Variants in DNAH8 observed in about 807,000 individuals in gnomAD.
DNAH8 encodes the protein dynein axonemal heavy chain 8.
In DNAH8, 382 loss-of-function variants were observed where a neutral mutation model predicts 562.1. That is an observed-to-expected ratio of 0.68 (90% CI 0.63 to 0.74). The LOEUF is 0.74. Ranked by LOEUF, DNAH8 falls within the 30% of genes least tolerant of loss-of-function variation. The pLI, the probability that DNAH8 is intolerant of heterozygous loss-of-function variation, is 0.00. For synonymous variants in DNAH8, 1,881 were observed against 1,919.4 expected (o/e 0.98, Z 0.52); for missense variants, 5,203 against 5,620.4 (o/e 0.93, Z 2.37).
chr6:38,723,382 C>T lies in DNAH8; in HGVS notation c.436C>T (p.Pro146Ser), dbSNP rs753060938. The T allele has an allele frequency of 2.4e-5, 39 of 1,611,834 alleles. No homozygotes were observed. In the African/African-American group the frequency reaches 4.9e-4, roughly 20 times the overall value. The part of the protein sequence containing the change: ...ARESRRLKID[P>S]SYKYIFEILA... The stretch of plus-strand genomic sequence containing the variant: ...GGAAAGCCGAAGACTGAAAATTGAC[C>T]CTTCATACAAATATATATTTGAAAT... Residue 146 changes from proline to serine, a missense_variant, in exon 3 of 93, where the codon CCT (proline) becomes TCT (serine). Around this residue, in one of 6 missense-constraint regions of DNAH8, gnomAD observed 556 missense variants for 496.9 expected, o/e 1.12. Transcript: ENST00000327475.
At chr6:38,978,575 A>G (rs1763824902) in intron 85 of DNAH8, among the ~76,000 whole-genome samples, 1 of 152,156 alleles carries the variant, frequency 6.6e-6, no homozygotes, top group Non-Finnish European at 1.5e-5. Flanking sequence ...TTACCTAGTA[A>G]AGTTTCCCTT....
rs1178177073 is a variant in DNAH8, at chr6:39,030,135, G to A, written c.13867G>A (p.Asp4623Asn). The A allele has an allele frequency of 6.8e-6, 11 of 1,613,846 alleles. No homozygotes were observed. The highest frequency in any genetic ancestry group is 1.3e-5 in the African/African-American group (1 of 74,860). The stretch of plus-strand genomic sequence containing the variant: ...TGTGTATATTTATGGGCTCTACATG[G>A]ATGGAGCAGCCTGGGACAGACGGAA... ...EGVYIYGLYM[D>N]GAAWDRRNGK... Residue 4623 changes from aspartate (D) to asparagine (N), a missense_variant, in exon 93 of 93, where the codon GAT becomes AAT. This residue lies in a region of DNAH8 where 1,399 missense variants were observed against 1,518.4 expected (regional missense o/e 0.92). Coordinates refer to ENST00000327475, the MANE Select transcript of DNAH8 (RefSeq NM_001206927.2).
chr6:38,790,804 C>G (rs1769665742), intron 20 of DNAH8, among the ~76,000 whole-genome samples: 2 of 149,524 alleles, frequency 1.3e-5, no homozygotes, highest in South Asian at 4.2e-4. Flanking sequence ...ACCTGGGCGA[C>G]AGGGCAAGAC....
At chr6:38,811,732 C>T (rs373518590) in intron 24 of DNAH8, among the ~76,000 whole-genome samples, 12 of 152,106 alleles carry the variant, frequency 7.9e-5, no homozygotes, top group Non-Finnish European at 1.2e-4. Flanking sequence ...GACATATTCA[C>T]GCATACTTGG....
chr6:38,914,503 C>T lies in DNAH8; in HGVS notation c.9963+551C>T, dbSNP rs150464980. Reference sequence around the variant, plus strand: ...GCAACCTCCACCTCCTGGGTTCAAGCGATTCTCCTGCCTAATTTTTGTATT... The same window carrying T: ...GCAACCTCCACCTCCTGGGTTCAAGTGATTCTCCTGCCTAATTTTTGTATT... On this transcript the variant is annotated intron_variant, in intron 67 of 92. Transcript: ENST00000327475. 1.7e-4 allele frequency among the ~76,000 whole-genome samples: 24 copies of T among 144,348 alleles called. No homozygotes were observed. In the East Asian group the frequency reaches 3.1e-3, roughly 19 times the overall value. The allele number at this position is 144,348 out of a possible 152,430, so 94.7% of individuals were successfully genotyped here.
At chr6:38,769,207 G>A (rs1400719960) in intron 11 of DNAH8, among the ~76,000 whole-genome samples, 1 of 152,138 alleles carries the variant, frequency 6.6e-6, no homozygotes, top group African/African-American at 2.4e-5. Context: ...GTTATTCAGA[G>A]CCAACTCATT....
intron 79 of DNAH8, among the ~76,000 whole-genome samples, chr6:38,942,630 G>T (rs1783553697): frequency 6.6e-6 from 1 of 152,194 alleles, no homozygotes; most frequent in Non-Finnish European, 1.5e-5. Context: ...TCAAGAAAGA[G>T]AACTTTGTAC....
At chr6:38,829,054 T>C (rs928011312) in intron 30 of DNAH8, among the ~76,000 whole-genome samples, 1 of 152,240 alleles carries the variant, frequency 6.6e-6, no homozygotes, top group African/African-American at 2.4e-5. Context: ...ATTGTCCATG[T>C]GCGAGGACTT....
chr6:38,880,342 T>C (rs1778377230), intron 53 of DNAH8, among the ~76,000 whole-genome samples: 2 of 152,110 alleles, frequency 1.3e-5, no homozygotes, highest in Non-Finnish European at 2.9e-5. Context: ...ACTGTAAAAC[T>C]GCGCTGAGAG....
chr6:38,798,187 G>A (rs575097307), intron 21 of DNAH8, among the ~76,000 whole-genome samples: 29 of 152,278 alleles, frequency 1.9e-4, no homozygotes, highest in African/African-American at 6.7e-4. Context: ...GATGCTTTCT[G>A]AGGTGATGAG....
At chr6:38,947,624 A>G (rs1761540803) in intron 80 of DNAH8, among the ~76,000 whole-genome samples, 1 of 152,182 alleles carries the variant, frequency 6.6e-6, no homozygotes, top group South Asian at 2.1e-4. Flanking sequence ...GGGCAGGGGC[A>G]AGGTAGGGCT....
chr6:38,895,032 G>A (rs999439743), intron 59 of DNAH8, among the ~76,000 whole-genome samples, 168 bp downstream of exon 59: 3 of 152,108 alleles, frequency 2.0e-5, no homozygotes, highest in Admixed American at 2.0e-4. Context: ...GGGTTCAAGT[G>A]ATTCTCCAAC....
At chr6:38,819,814 T>C (rs1354037054) in intron 26 of DNAH8, among the ~76,000 whole-genome samples, 1 of 152,156 alleles carries the variant, frequency 6.6e-6, no homozygotes, top group African/African-American at 2.4e-5. Flanking sequence ...ACCCCCAGTA[T>C]TTTTACATTT....
At position 38,842,695 on chromosome 6, in the gene DNAH8, G is replaced by A. The variant is rs769685364; in HGVS notation, c.4637G>A (p.Trp1546Ter). 6.2e-7 allele frequency: 1 copy of A among 1,613,368 alleles called. No homozygotes were observed. Among genetic ancestry groups the A allele is most frequent in the Non-Finnish European group, 8.5e-7 (1 of 1,179,792 alleles). Residue 1546 changes from tryptophan to a stop codon, truncating the protein, a stop_gained, in exon 35 of 93, where the codon TGG becomes TAG. Transcript: ENST00000327475. LOFTEE classifies it high-confidence loss of function. ...CRKLPKGLKD[W>*]QAFLDLKKRI... The stretch of plus-strand genomic sequence containing the variant: ...AAACTTCCAAAAGGACTTAAAGATT[G>A]GCAAGCTTTTTTGGATCTCAAAAAG...
intron 55 of DNAH8, 45 bp from the exon 56 acceptor site, chr6:38,883,831 G>T: frequency 6.9e-7 from 1 of 1,441,864 alleles, no homozygotes; most frequent in South Asian, 1.6e-5. Context: ...TTAGAAGTAT[G>T]GATTAAAATC....
rs377235708 is a variant in DNAH8 at position 38,775,795 on chromosome 6, G to T, written c.1806G>T (p.Leu602Phe). Residue 602 changes from leucine (L) to phenylalanine (F), a missense_variant, in exon 13 of 93, where the codon TTG becomes TTT. By Grantham distance (22) the Leu-to-Phe change is conservative. Around this residue, in one of 6 missense-constraint regions of DNAH8, gnomAD observed 2,176 missense variants for 2,365.1 expected, o/e 0.92. Transcript: ENST00000327475. ...MITVVQTYST[L>F]SNSTIEGIDI... is the part of the protein sequence containing the mutation. ...CTGTTGTGCAAACATATTCAACCTT[G>T]AGTAATTCTACCATAGAAGGAATAG... is the stretch of plus-strand genomic sequence containing the variant. 2 of 1,596,646 alleles carry T rather than the reference G, an allele frequency of 1.3e-6. No individual in the cohort carries two copies. The highest frequency in any genetic ancestry group is 1.1e-5 in the South Asian group (1 of 90,574).
intron 3 of DNAH8, among the ~76,000 whole-genome samples, chr6:38,725,413 C>T (rs1341633837): frequency 1.3e-5 from 2 of 151,890 alleles, no homozygotes; most frequent in South Asian, 4.2e-4. Context: ...CGTCCAGTAT[C>T]CTTATAAGAA....
chr6:38,818,872 T>A (rs1202311380), intron 26 of DNAH8, among the ~76,000 whole-genome samples: 1 of 152,250 alleles, frequency 6.6e-6, no homozygotes, highest in Non-Finnish European at 1.5e-5. Context: ...GGAAACTTAT[T>A]CATTCCTCAG....
intron 88 of DNAH8, among the ~76,000 whole-genome samples, chr6:38,992,570 T>A (rs530919834): frequency 6.6e-6 from 1 of 152,304 alleles, no homozygotes; most frequent in South Asian, 2.1e-4. Context: ...TGTTCTCATA[T>A]GAGGGCTCTG....
Sources: gnomAD v4.1 joint callset for allele counts (sites outside exome capture counted in the v4.1 genomes callset) on GRCh38, gnomAD v4.1.1 for gene constraint, gnomAD v4.1.1 regional missense constraint, MANE v1.5 for transcripts, NCBI Gene and HGNC (gene_info 2026-07-23, HGNC 2026-07-21) for gene names.